Variants in MYRF observed in about 807,000 individuals in gnomAD.
MYRF encodes myelin gene regulatory factor.
Under a neutral mutation model 126.3 loss-of-function variants are expected in MYRF, and 16 were observed. That is an observed-to-expected ratio of 0.13 (90% CI 0.09 to 0.19). The LOEUF is 0.19. MYRF is among the 10% of genes least tolerant of loss of function. MYRF has a pLI of 1.00. For synonymous variants in MYRF, 608 were observed against 635.3 expected, an observed-to-expected ratio of 0.96 and a Z score of 0.65; for missense variants, 1,104 against 1,547.0, an observed-to-expected ratio of 0.71 and a Z score of 4.80.
chr11:61,767,497 G>T (rs1309944771), intron 3 of MYRF: 2 of 452,804 alleles, frequency 4.4e-6, no homozygotes, highest in South Asian at 3.1e-5. Flanking sequence ...TCCAGGAAGG[G>T]ACCCAGGGCC....
At chr11:61,765,800 T>C in intron 2 of MYRF, 88 bp downstream of exon 2, 1 of 1,446,774 alleles carries the variant, frequency 6.9e-7, no homozygotes, top group Admixed American at 2.0e-5. Context: ...GGGCCGGACC[T>C]GGGGTCTGCT....
intron 1 of MYRF, among the ~76,000 whole-genome samples, chr11:61,765,191 A>G (rs996152175): frequency 6.6e-6 from 1 of 152,178 alleles, no homozygotes; most frequent in African/African-American, 2.4e-5. Flanking sequence ...GAGCCATCCC[A>G]TCGAGGGCAG....
intron 17 of MYRF, 51 bp from the exon 18 acceptor site, chr11:61,780,171 G>A: frequency 1.9e-6 from 3 of 1,589,530 alleles, no homozygotes; most frequent in Non-Finnish European, 2.6e-6. Context: ...TAGAGAGAGG[G>A]CACTGGATGG....
rs374264166 is a variant in MYRF at position 61,781,713 on chromosome 11, C to A, written c.2905C>A (p.Gln969Lys). The A allele has an allele frequency of 1.9e-6, 3 of 1,613,258 alleles. No individual in the cohort carries two copies. The African/African-American group carries it at 4.0e-5, about 22-fold the overall frequency. ...ASPAVPFPGG[Q>K]GKAKNSPSLG... ...CCCTGCAGTCCCCTTCCCTGGGGGG[C>A]AGGGCAAAGCCAAGAACAGTCCCAG... Residue 969 changes from glutamine to lysine, a missense_variant, in exon 22 of 27, where the codon CAG (glutamine) becomes AAG (lysine). Gln to Lys is a moderately conservative substitution (Grantham distance 53). This residue lies in a region of MYRF where 323 missense variants were observed against 383.1 expected (regional missense o/e 0.84). Transcript: ENST00000278836.
intron 7 of MYRF, among the ~76,000 whole-genome samples, chr11:61,772,373 C>G (rs1039189911): frequency 1.3e-5 from 2 of 152,222 alleles, no homozygotes; most frequent in Non-Finnish European, 2.9e-5. Flanking sequence ...CTAGCACCCC[C>G]TCAACACCCA....
At position 61,778,603 on chromosome 11, in the gene MYRF, T is replaced by C; in HGVS notation, c.2013+114T>C. 1.3e-6 allele frequency: 1 copy of C among 782,946 alleles called. No individual in the cohort carries two copies. The highest frequency in any genetic ancestry group is 1.4e-5 in the South Asian group (1 of 69,716). 48.5% of individuals were successfully genotyped at this position (782,946 alleles called of 1,614,324 possible). ...CTGCAAAGCAGAGGCAGGAGCACCC[T>C]CGGCTCTCATGCTGCCTCCAGAGCG... On this transcript the variant is annotated intron_variant, in intron 14 of 26. Coordinates refer to ENST00000278836, the MANE Select transcript of MYRF (RefSeq NM_001127392.3). This position sits in a 1 kb window ranked among gnomAD's most constrained non-coding sequence, Gnocchi z 4.6.
chr11:61,777,568 C>T lies in MYRF; in HGVS notation c.1791+104C>T, dbSNP rs2066420078. ...GTGACTACGCGGAAAGGCGGAGCTG[C>T]GGGGGAAGGAAGGGAGGGAGGCTGG... is the stretch of plus-strand genomic sequence containing the variant. On this transcript the variant is annotated intron_variant, in intron 12 of 26. Transcript: ENST00000278836. The surrounding 1 kb of genome is among the most constrained non-coding windows in gnomAD (Gnocchi z 8.8). 2 of 1,413,608 alleles carry T rather than the reference C, an allele frequency of 1.4e-6. No individual in the cohort carries two copies. Among genetic ancestry groups the T allele is most frequent in the Non-Finnish European group, 1.9e-6 (2 of 1,038,676 alleles). 87.6% of individuals were successfully genotyped at this position (1,413,608 alleles called of 1,614,324 possible). A position where few individuals can be genotyped will look rare whatever the true frequency, so the allele number is the denominator to read the frequency against.
Position 61,778,171 on chromosome 11 carries a change from C to T in MYRF, c.1904-209C>T, listed in dbSNP as rs2066437595. Among the ~76,000 whole-genome samples the T allele has an allele frequency of 6.6e-6, 1 of 152,184 alleles. No individual in the cohort carries two copies. Among genetic ancestry groups the T allele is most frequent in the Admixed American group, 6.5e-5 (1 of 15,290 alleles). On this transcript the variant is annotated intron_variant, in intron 13 of 26. Coordinates refer to ENST00000278836, the MANE Select transcript of MYRF (RefSeq NM_001127392.3). The surrounding 1 kb of genome is among the most constrained non-coding windows in gnomAD (Gnocchi z 4.6). ...CTTACCCCCAGGAATCCGCCCCACCCCAGCCCAGGAACCTCACACCTGAGC... is the reference window on the plus strand; with the variant it reads ...CTTACCCCCAGGAATCCGCCCCACCTCAGCCCAGGAACCTCACACCTGAGC...
intron 19 of MYRF, 79 bp from the exon 20 acceptor site, chr11:61,780,881 C>T: frequency 6.3e-7 from 1 of 1,589,334 alleles, no homozygotes; most frequent in Non-Finnish European, 8.6e-7. Flanking sequence ...TCCTGCCCTC[C>T]TGCCTCTCCA....
intron 14 of MYRF, 39 bp from the exon 15 acceptor site, chr11:61,779,224 T>A: frequency 1.3e-6 from 2 of 1,513,600 alleles, no homozygotes; most frequent in Non-Finnish European, 1.8e-6. Context: ...CTGGGCCCTC[T>A]GTGTTGGCCC....
chr11:61,782,163 G>A (rs1328606567), intron 22 of MYRF: 3 of 270,998 alleles, frequency 1.1e-5, no homozygotes, highest in Non-Finnish European at 2.1e-5. Flanking sequence ...CGCCATGCCA[G>A]CACCAGGAGG....
intron 1 of MYRF, among the ~76,000 whole-genome samples, chr11:61,761,486 G>A (rs1186147237): frequency 6.6e-6 from 1 of 152,240 alleles, no homozygotes; most frequent in Non-Finnish European, 1.5e-5. Flanking sequence ...AAGGGGCAGT[G>A]TCTGGTTCCT....
intron 16 of MYRF, 37 bp from the exon 17 acceptor site, chr11:61,779,805 C>G: frequency 6.3e-7 from 1 of 1,592,046 alleles, no homozygotes; most frequent in Non-Finnish European, 8.6e-7. Flanking sequence ...CTCAGCCTGG[C>G]CCTCTTTGCA....
In MYRF at chr11:61,770,290, G is replaced by T; in HGVS notation, c.505G>T (p.Val169Leu). The T allele has an allele frequency of 6.2e-7, 1 of 1,607,614 alleles. No individual in the cohort carries two copies. Among genetic ancestry groups the T allele is most frequent in the Non-Finnish European group, 8.5e-7 (1 of 1,178,528 alleles). ...GATAACCCCTGAGACACTGTGCCAC[G>T]TGGGAGTGCCCTCCCGCCTGGAGCA... is the stretch of plus-strand genomic sequence containing the variant. ...RTITPETLCH[V>L]GVPSRLEHPP... Residue 169 changes from valine (V) to leucine (L), a missense_variant, in exon 5 of 27, where the codon GTG (valine) becomes TTG (leucine). Val to Leu is a conservative substitution (Grantham distance 32). This residue lies in a region of MYRF where 368 missense variants were observed against 403.9 expected (regional missense o/e 0.91). Transcript: ENST00000278836.
Position 61,786,054 on chromosome 11 carries a change from T to A in MYRF, c.3376-9T>A. On this transcript the variant is annotated splice_polypyrimidine_tract_variant and intron_variant, in intron 26 of 26. Coordinates refer to ENST00000278836, the MANE Select transcript of MYRF (RefSeq NM_001127392.3). This position sits in a 1 kb window ranked among gnomAD's most constrained non-coding sequence, Gnocchi z 4.5. ...AGCCACCTCACCTTCCCACTGCCCT[T>A]CCACCCAGGGTCAGGCCAACTGCAG... The A allele has an allele frequency of 6.2e-7, 1 of 1,613,972 alleles. No individual in the cohort carries two copies. The highest frequency in any genetic ancestry group is 8.5e-7 in the Non-Finnish European group (1 of 1,179,842).
At position 61,765,990 on chromosome 11, in the gene MYRF, C is replaced by T. The variant is rs1266455073; in HGVS notation, c.167C>T (p.Ser56Leu). ...CCTGACATCTCTGCTCCAGCCAGCTCGGCCTCCTACTCCCACGGGCAGCCT... is the reference window on the plus strand; with the variant it reads ...CCTGACATCTCTGCTCCAGCCAGCTTGGCCTCCTACTCCCACGGGCAGCCT... ...CFPDISAPAS[S>L]ASYSHGQPAM... Residue 56 changes from serine (S) to leucine (L), a missense_variant, in exon 3 of 27, where the codon TCG becomes TTG. This residue lies in a region of MYRF where 368 missense variants were observed against 403.9 expected (regional missense o/e 0.91). Transcript: ENST00000278836. 1.3e-5 allele frequency: 21 copies of T among 1,560,434 alleles called. No homozygotes were observed. In the East Asian group the frequency reaches 2.1e-4, roughly 15 times the overall value.
rs775153078 is a variant in MYRF at position 61,776,034 on chromosome 11, C to G, written c.1312-22C>G. The G allele has an allele frequency of 4.3e-6, 7 of 1,612,894 alleles. No homozygotes were observed. The highest frequency in any genetic ancestry group is 5.9e-6 in the Non-Finnish European group (7 of 1,179,080). On this transcript the variant is annotated intron_variant, in intron 8 of 26. Transcript: ENST00000278836. This position sits in a 1 kb window ranked among gnomAD's most constrained non-coding sequence, Gnocchi z 4.3. Reference sequence around the variant, plus strand: ...AGCCGGGTAGCCCCATCCTGAGGTGCCACTGGCTTCACTCCCCACAGCTGG... The same window carrying G: ...AGCCGGGTAGCCCCATCCTGAGGTGGCACTGGCTTCACTCCCCACAGCTGG...
chr11:61,783,777 G>T lies in MYRF; in HGVS notation c.3120-74G>T. The stretch of plus-strand genomic sequence containing the variant: ...CTGGAGGGCTCCAGTACAGATTGGG[G>T]GCTGAGGAGTCCCTGGTGGGGGTGG... On this transcript the variant is annotated intron_variant, in intron 23 of 26. Coordinates refer to ENST00000278836, the MANE Select transcript of MYRF (RefSeq NM_001127392.3). This position sits in a 1 kb window ranked among gnomAD's most constrained non-coding sequence, Gnocchi z 4.6. The T allele has an allele frequency of 1.4e-6, 2 of 1,478,884 alleles. No individual in the cohort carries two copies. The highest frequency in any genetic ancestry group is 1.9e-6 in the Non-Finnish European group (2 of 1,080,902). The allele number at this position is 1,478,884 out of a possible 1,614,324, so 91.6% of individuals were successfully genotyped here. A position where few individuals can be genotyped will look rare whatever the true frequency, so the allele number is the denominator to read the frequency against.
chr11:61,766,303 C>A, intron 3 of MYRF, 82 bp downstream of exon 3: 2 of 1,423,672 alleles, frequency 1.4e-6, no homozygotes, highest in Non-Finnish European at 1.9e-6. Flanking sequence ...CTGGGAGGTG[C>A]TAGACACTGG....
Sources: gnomAD v4.1 joint callset for allele counts (sites outside exome capture counted in the v4.1 genomes callset) on GRCh38, gnomAD v4.1.1 for gene constraint, gnomAD v4.1.1 regional missense constraint, Gnocchi (gnomAD v3.1) non-coding constraint, MANE v1.5 for transcripts, NCBI Gene and HGNC (gene_info 2026-07-23, HGNC 2026-07-21) for gene names.